The following SH3GL2 variants were observed in gnomAD, a reference collection of about 807,000 sequenced individuals.
SH3GL2 encodes endophilin-A1.
Under a neutral mutation model 46.0 loss-of-function variants are expected in SH3GL2, and 24 were observed. That is an observed-to-expected ratio of 0.52 (90% CI 0.38 to 0.73). SH3GL2 has a LOEUF of 0.73. SH3GL2 is among the 30% of genes least tolerant of loss of function. The probability of loss-of-function intolerance (pLI) is 0.00; values close to 1 mark genes in which losing one functional copy is unlikely to be tolerated. For missense variants in SH3GL2, 413 were observed against 424.2 expected (o/e 0.97, Z 0.23); for synonymous variants, 196 against 147.1 (o/e 1.33, Z -2.40).
intron 1 of SH3GL2, among the ~76,000 whole-genome samples, chr9:17,737,323 C>T (rs1006684058): frequency 6.6e-6 from 1 of 151,436 alleles, no homozygotes; most frequent in Non-Finnish European, 1.5e-5. Context: ...GCATGTTCTG[C>T]ACATGTATCC....
At chr9:17,789,348 C>T in intron 5 of SH3GL2, 44 bp from the exon 6 acceptor site, 1 of 1,568,006 alleles carries the variant, frequency 6.4e-7, no homozygotes, top group Non-Finnish European at 8.8e-7. Flanking sequence ...TAAGCCTTTT[C>T]CATAAGCCCT....
At chr9:17,613,107 G>A in intron 1 of SH3GL2, among the ~76,000 whole-genome samples, 1 of 152,168 alleles carries the variant, frequency 6.6e-6, no homozygotes, top group East Asian at 1.9e-4. Flanking sequence ...ACCTTAGGCT[G>A]TCTAAATACG....
At chr9:17,625,578 A>G (rs1460113731) in intron 1 of SH3GL2, among the ~76,000 whole-genome samples, 1 of 152,246 alleles carries the variant, frequency 6.6e-6, no homozygotes, top group Non-Finnish European at 1.5e-5. Flanking sequence ...CAAAGAGAGT[A>G]CATTTCCAAT....
At chr9:17,779,900 T>C (rs1178605870) in intron 3 of SH3GL2, among the ~76,000 whole-genome samples, 3 of 152,182 alleles carry the variant, frequency 2.0e-5, no homozygotes, top group Admixed American at 6.5e-5. Context: ...TAAAATCTTC[T>C]CTTTGTCCTG....
intron 3 of SH3GL2, among the ~76,000 whole-genome samples, chr9:17,762,398 TC>T (rs368037619): frequency 0.6 from 84,257 of 139,338 alleles, 24,809 homozygotes; most frequent in East Asian, 0.88. Context: ...GGACAAGTGA[TC>T]AAAAAAAAAA....
chr9:17,732,975 C>T (rs1468746511), intron 1 of SH3GL2, among the ~76,000 whole-genome samples: 1 of 152,084 alleles, frequency 6.6e-6, no homozygotes, highest in Non-Finnish European at 1.5e-5. Context: ...GCTGTCTGAC[C>T]ATAGCATACC....
At chr9:17,744,530 T>C (rs1194565464) in intron 1 of SH3GL2, among the ~76,000 whole-genome samples, 4 of 152,066 alleles carry the variant, frequency 2.6e-5, no homozygotes, top group Non-Finnish European at 5.9e-5. Context: ...CATGTTCAAC[T>C]AATTTATTTT....
chr9:17,787,359 A>G, intron 4 of SH3GL2, 21 bp from the exon 5 acceptor site: 1 of 1,603,808 alleles, frequency 6.2e-7, no homozygotes, highest in Non-Finnish European at 8.5e-7. Context: ...TGTAACATGA[A>G]AGAGCTTTAT....
intron 1 of SH3GL2, among the ~76,000 whole-genome samples, chr9:17,688,708 C>A (rs1353640412): frequency 1.3e-5 from 2 of 151,992 alleles, no homozygotes; most frequent in Admixed American, 1.3e-4. Flanking sequence ...GATACAGAAG[C>A]CAGCTCAAAG....
chr9:17,743,520 C>G (rs1226626584), intron 1 of SH3GL2, among the ~76,000 whole-genome samples: 3 of 151,362 alleles, frequency 2.0e-5, no homozygotes, highest in African/African-American at 7.3e-5. Flanking sequence ...CATTGAGGCA[C>G]TCCTCCCTCC....
chr9:17,598,312 C>T (rs916495852), intron 1 of SH3GL2, among the ~76,000 whole-genome samples: 9 of 152,194 alleles, frequency 5.9e-5, no homozygotes, highest in Middle Eastern at 3.2e-3. Flanking sequence ...AACTACTTCT[C>T]ATGTCTTACT....
At chr9:17,756,610 A>C (rs1329563081) in intron 2 of SH3GL2, among the ~76,000 whole-genome samples, 1 of 151,812 alleles carries the variant, frequency 6.6e-6, no homozygotes, top group Admixed American at 6.6e-5. Flanking sequence ...TTTGCTGAGA[A>C]TGATGGTTTC....
intron 6 of SH3GL2, among the ~76,000 whole-genome samples, chr9:17,790,068 C>T (rs1334715077): frequency 6.6e-6 from 1 of 152,156 alleles, no homozygotes; most frequent in African/African-American, 2.4e-5. Flanking sequence ...ATCAGTAGTA[C>T]TGGTGCAAGT....
chr9:17,684,220 GA>G (rs1820845803), intron 1 of SH3GL2, among the ~76,000 whole-genome samples: 1 of 152,092 alleles, frequency 6.6e-6, no homozygotes, highest in African/African-American at 2.4e-5. Flanking sequence ...TACAGATGGG[GA>G]ATTTCAGTAG....
At chr9:17,591,455 A>G (rs1467357842) in intron 1 of SH3GL2, 1 of 151,962 alleles carries the variant, frequency 6.6e-6, no homozygotes, top group African/African-American at 2.4e-5. Context: ...GAGAAGGGCA[A>G]GGGGGCTATT....
chr9:17,739,432 T>C (rs530603835), intron 1 of SH3GL2, among the ~76,000 whole-genome samples: 1 of 152,272 alleles, frequency 6.6e-6, no homozygotes, highest in East Asian at 1.9e-4. Context: ...AGATACTGTC[T>C]TTTTATATTT....
chr9:17,734,725 A>C (rs1208752297), intron 1 of SH3GL2, among the ~76,000 whole-genome samples: 1 of 151,494 alleles, frequency 6.6e-6, no homozygotes, highest in Non-Finnish European at 1.5e-5. Flanking sequence ...ATATTATTTC[A>C]TTTATATAAA....
intron 3 of SH3GL2, among the ~76,000 whole-genome samples, chr9:17,768,631 C>T (rs186275615): frequency 2.0e-5 from 3 of 152,108 alleles, no homozygotes; most frequent in Non-Finnish European, 2.9e-5. Flanking sequence ...TTCAATTCCT[C>T]AAGTTCTTTG....
intron 3 of SH3GL2, among the ~76,000 whole-genome samples, chr9:17,771,455 C>G (rs555068345): frequency 6.6e-6 from 1 of 152,128 alleles, no homozygotes; most frequent in Non-Finnish European, 1.5e-5. Context: ...CCTCCCTGGG[C>G]AAGGTCTTTA....
Sources: gnomAD v4.1 joint callset for allele counts (sites outside exome capture counted in the v4.1 genomes callset) on GRCh38, gnomAD v4.1.1 for gene constraint, MANE v1.5 for transcripts, NCBI Gene and HGNC (gene_info 2026-07-23, HGNC 2026-07-21) for gene names.